The following PCDHA5 variants were observed in gnomAD, a reference collection of about 807,000 sequenced individuals.
PCDHA5 encodes the protein protocadherin alpha 5.
A neutral mutation model predicts 61.6 loss-of-function variants in PCDHA5; 43 were observed. The observed-to-expected ratio is 0.70, with a 90% CI of 0.55 to 0.90. PCDHA5 has a LOEUF of 0.90. Ranked by LOEUF, PCDHA5 falls within the 40% of genes least tolerant of loss-of-function variation. The probability of loss-of-function intolerance (pLI) is 0.00; values close to 1 mark genes in which losing one functional copy is unlikely to be tolerated. For missense variants in PCDHA5, 1,298 were observed against 1,222.7 expected (o/e 1.06, Z -0.92); for synonymous variants, 627 against 543.9 (o/e 1.15, Z -2.13).
chr5:140,920,841 T>TAAAAAAAA (rs781921146), intron 1 of PCDHA5, among the ~76,000 whole-genome samples: 2 of 109,228 alleles, frequency 1.8e-5, no homozygotes, highest in Non-Finnish European at 1.9e-5. Context: ...AGACCAAATC[T>TAAAAAAAA]AAAAAAAAAA....
At chr5:140,951,289 T>C (rs546786558) in intron 1 of PCDHA5, among the ~76,000 whole-genome samples, 12 of 152,232 alleles carry the variant, frequency 7.9e-5, no homozygotes, top group Non-Finnish European at 1.3e-4. Context: ...TTTTGGATTA[T>C]ATCTTGATAT....
intron 1 of PCDHA5, among the ~76,000 whole-genome samples, chr5:140,888,151 CT>C (rs1247816625): frequency 4.6e-5 from 7 of 152,106 alleles, no homozygotes; most frequent in Non-Finnish European, 8.8e-5. Context: ...TTTTGCATGA[CT>C]GGTAATCTCT....
intron 1 of PCDHA5, among the ~76,000 whole-genome samples, chr5:140,916,356 G>A (rs2077538770): frequency 6.6e-6 from 1 of 152,202 alleles, no homozygotes; most frequent in Admixed American, 6.5e-5. Context: ...TCAAACAGAA[G>A]GAGTCTTTCA....
rs2097783097 is a variant in PCDHA5, at chr5:140,997,727, C to T, written c.2501-11900C>T. Reference sequence around the variant, plus strand: ...TAACAAACACCTTTCTACGTCAGTACATATAGATTTGCCACAATCTTCTTG... The same window carrying T: ...TAACAAACACCTTTCTACGTCAGTATATATAGATTTGCCACAATCTTCTTG... On this transcript the variant is annotated intron_variant, in intron 3 of 3. Coordinates refer to ENST00000529859, the MANE Select transcript of PCDHA5 (RefSeq NM_018908.3). Among the ~76,000 whole-genome samples the T allele has an allele frequency of 2.0e-5, 3 of 151,244 alleles. No individual in the cohort carries two copies. In the South Asian group the frequency reaches 6.3e-4, roughly 32 times the overall value.
In PCDHA5 at chr5:141,012,312, C is replaced by CTGT; in HGVS notation, c.*2377_*2379dup. On this transcript the variant is annotated 3_prime_UTR_variant, in exon 4 of 4. Transcript: ENST00000529859. ...TGAATTGGTGCTATTGGTATTTCCT[C>CTGT]TGTTATTGCTAATAAATGAAAATGG... The CTGT allele has an allele frequency of 6.5e-6, 1 of 153,698 alleles. No individual in the cohort carries two copies. Among genetic ancestry groups the CTGT allele is most frequent in the Middle Eastern group, 3.2e-3 (1 of 316 alleles). 9.5% of individuals were successfully genotyped at this position (153,698 alleles called of 1,614,324 possible).
chr5:140,911,343 C>G (rs1223805451), intron 1 of PCDHA5, among the ~76,000 whole-genome samples: 1 of 152,136 alleles, frequency 6.6e-6, no homozygotes, highest in African/African-American at 2.4e-5. Flanking sequence ...CAATCAATGC[C>G]CTCATTTCAA....
chr5:140,863,148 G>A (rs782014665), intron 1 of PCDHA5: 1 of 616,420 alleles, frequency 1.6e-6, no homozygotes, highest in Non-Finnish European at 3.1e-6. Context: ...TGCTGGTGAA[G>A]GACCACTGCG....
intron 1 of PCDHA5, chr5:140,843,068 C>T (rs1345239073): frequency 1.3e-6 from 2 of 1,595,216 alleles, no homozygotes; most frequent in East Asian, 2.2e-5. Context: ...GCTGGTGCCG[C>T]GGTCTGTGGG....
intron 1 of PCDHA5, among the ~76,000 whole-genome samples, chr5:140,826,507 A>G (rs1554130579): frequency 6.6e-6 from 1 of 152,188 alleles, no homozygotes. Context: ...TAAGGTGAAG[A>G]TGATCATGTC....
At chr5:140,988,831 A>G (rs1005821454) in intron 3 of PCDHA5, 6 of 152,208 alleles carry the variant, frequency 3.9e-5, no homozygotes, top group Non-Finnish European at 7.3e-5. Flanking sequence ...AACAGAGATC[A>G]CGTGTCTCCT....
At chr5:140,923,910 C>T (rs1280601799) in intron 1 of PCDHA5, among the ~76,000 whole-genome samples, 5 of 152,156 alleles carry the variant, frequency 3.3e-5, no homozygotes, top group African/African-American at 1.2e-4. Flanking sequence ...GTGAAGATTT[C>T]CCATACTGTT....
chr5:140,925,641 TATAATA>T (rs10569930), intron 1 of PCDHA5, among the ~76,000 whole-genome samples: 8,694 of 143,320 alleles, frequency 0.061, 267 homozygotes, highest in Non-Finnish European at 0.068. Flanking sequence ...GAACTTAAAG[TATAATA>T]ATAATAATAA....
chr5:140,897,389 C>G (rs1212817070), intron 1 of PCDHA5, among the ~76,000 whole-genome samples: 1 of 139,546 alleles, frequency 7.2e-6, no homozygotes, highest in Non-Finnish European at 1.5e-5. Context: ...CTTCCTGTGT[C>G]CATGTGTTCT....
chr5:140,852,717 C>T lies in PCDHA5; in HGVS notation c.2352+28590C>T, dbSNP rs2042449102. ...ACTTTCAAGTATCTTTGTCTTTGCA[C>T]GTTTTTCAAGTTTCATGTGCCATTT... is the stretch of plus-strand genomic sequence containing the variant. On this transcript the variant is annotated intron_variant, in intron 1 of 3. Transcript: ENST00000529859. 6 of 981,714 alleles carry T rather than the reference C, an allele frequency of 6.1e-6. 2 individuals carry two copies. Among genetic ancestry groups the T allele is most frequent in the Non-Finnish European group, 7.4e-6 (6 of 814,360 alleles). 60.8% of individuals were successfully genotyped at this position (981,714 alleles called of 1,614,324 possible).
At chr5:140,828,111 A>G (rs1769533134) in intron 1 of PCDHA5, 2 of 1,611,626 alleles carry the variant, frequency 1.2e-6, no homozygotes, top group East Asian at 2.2e-5. Flanking sequence ...ACCCCGGAGG[A>G]TAGATTGGGA....
intron 1 of PCDHA5, among the ~76,000 whole-genome samples, chr5:140,827,455 G>A (rs1173734499): frequency 3.3e-5 from 5 of 152,188 alleles, no homozygotes; most frequent in African/African-American, 7.2e-5. Flanking sequence ...AGAACCTTAA[G>A]AGCATCTGAT....
chr5:140,843,637 C>T (rs1289295729), intron 1 of PCDHA5: 2 of 1,595,812 alleles, frequency 1.3e-6, no homozygotes, highest in East Asian at 2.2e-5. Flanking sequence ...TCATGGCCTT[C>T]AGCCCCTGCC....
intron 1 of PCDHA5, chr5:140,884,792 G>T: frequency 7.6e-7 from 1 of 1,312,776 alleles, no homozygotes; most frequent in Non-Finnish European, 1.0e-6. Context: ...AGTTGTTATC[G>T]AATTTAACAA....
At chr5:140,860,385 A>T (rs2046366779) in intron 1 of PCDHA5, 1 of 152,142 alleles carries the variant, frequency 6.6e-6, no homozygotes, top group African/African-American at 2.4e-5. Flanking sequence ...TATTTCAAAA[A>T]TTGAAAAAAG....
Sources: allele counts gnomAD v4.1 joint callset (sites outside exome capture counted in the v4.1 genomes callset), GRCh38; gene constraint gnomAD v4.1.1; transcripts MANE v1.5; gene names NCBI Gene and HGNC (gene_info 2026-07-23, HGNC 2026-07-21).